Variants in MAGI2 observed in about 807,000 individuals in gnomAD.
MAGI2 encodes the protein membrane associated guanylate kinase, WW and PDZ domain containing 2.
In MAGI2, 35 loss-of-function variants were observed where a neutral mutation model predicts 133.3. The observed-to-expected ratio is 0.26, with a 90% CI of 0.20 to 0.35. The LOEUF (loss-of-function observed/expected upper bound fraction) is 0.35. Among genes scored for constraint, MAGI2 ranks in the 10% least tolerant of loss-of-function variants. The pLI is 1.00. For synonymous variants in MAGI2, 729 were observed against 710.6 expected, an observed-to-expected ratio of 1.03 and a Z score of -0.41; for missense variants, 1,636 against 1,863.4, an observed-to-expected ratio of 0.88 and a Z score of 2.25.
intron 9 of MAGI2, among the ~76,000 whole-genome samples, chr7:78,260,564 C>T (rs181705141): frequency 7.2e-5 from 11 of 152,206 alleles, no homozygotes; most frequent in Admixed American, 5.2e-4. Context: ...AATTTTTTCT[C>T]CATAAAAATA....
chr7:78,467,307 T>C (rs959580495), intron 6 of MAGI2, among the ~76,000 whole-genome samples: 1 of 152,256 alleles, frequency 6.6e-6, no homozygotes, highest in Middle Eastern at 3.4e-3. Flanking sequence ...TTGGCCCCTG[T>C]AATCCTAAGA....
chr7:78,673,767 A>C (rs1814678876), intron 2 of MAGI2, among the ~76,000 whole-genome samples: 1 of 152,040 alleles, frequency 6.6e-6, no homozygotes, highest in South Asian at 2.1e-4. Context: ...CTCATCCAAA[A>C]ACACCCTCAC....
At chr7:78,083,166 C>A (rs113214652) in intron 20 of MAGI2, among the ~76,000 whole-genome samples, 24 of 151,932 alleles carry the variant, frequency 1.6e-4, no homozygotes, top group African/African-American at 5.8e-4. Context: ...AAATTCGCAG[C>A]CCTTTTAGAA....
At chr7:78,995,642 G>C (rs1806217164) in intron 2 of MAGI2, among the ~76,000 whole-genome samples, 1 of 152,034 alleles carries the variant, frequency 6.6e-6, no homozygotes, top group Non-Finnish European at 1.5e-5. Flanking sequence ...TTCTATTACT[G>C]GAAATAGACT....
At chr7:78,226,176 G>A (rs1220526695) in intron 10 of MAGI2, among the ~76,000 whole-genome samples, 1 of 152,016 alleles carries the variant, frequency 6.6e-6, no homozygotes, top group African/African-American at 2.4e-5. Context: ...TTGAGCACTG[G>A]TGACAGGTTT....
intron 3 of MAGI2, chr7:78,617,960 T>C (rs1247531808): frequency 6.6e-6 from 1 of 151,992 alleles, no homozygotes; most frequent in East Asian, 1.9e-4. Context: ...ATATAGAAGA[T>C]ATAAGGAAAG....
At chr7:79,041,673 TA>T (rs2116910750) in intron 1 of MAGI2, among the ~76,000 whole-genome samples, 1 of 152,158 alleles carries the variant, frequency 6.6e-6, no homozygotes, top group East Asian at 1.9e-4. Flanking sequence ...AACAAATAGA[TA>T]AATGAATATA....
At chr7:79,388,195 T>A (rs1234505023) in intron 1 of MAGI2, among the ~76,000 whole-genome samples, 1 of 151,946 alleles carries the variant, frequency 6.6e-6, no homozygotes, top group African/African-American at 2.4e-5. Context: ...AACACAACAT[T>A]GTTTGCTAAA....
At chr7:78,742,952 T>C (rs922471106) in intron 2 of MAGI2, among the ~76,000 whole-genome samples, 4 of 152,178 alleles carry the variant, frequency 2.6e-5, no homozygotes, top group African/African-American at 7.2e-5. Context: ...TAACACAACA[T>C]GCAGACAAAG....
rs1383941647 is a variant in MAGI2, at chr7:78,127,303, T to C, written c.3317A>G (p.Tyr1106Cys). Reference protein sequence around the residue: ...LDYRQPPGGDYQQPPPLDYRQ... With the variant: ...LDYRQPPGGDCQQPPPLDYRQ... The stretch of plus-strand genomic sequence containing the variant: ...GTAGTCCAAGGGTGGGGGCTGCTGG[T>C]AGTCCCCTCCTGGGGGTTGCCTGTA... Residue 1106 changes from tyrosine to cysteine, a missense_variant, in exon 19 of 22, where the codon TAC (tyrosine) becomes TGC (cysteine). This residue lies in a region of MAGI2 where 920 missense variants were observed against 1,093.5 expected (regional missense o/e 0.84). Transcript: ENST00000354212. 7 of 1,610,652 alleles carry C rather than the reference T, an allele frequency of 4.3e-6. No individual in the cohort carries two copies. The Admixed American group carries it at 8.4e-5, about 19-fold the overall frequency.
intron 1 of MAGI2, among the ~76,000 whole-genome samples, chr7:79,392,360 T>C (rs1844723175): frequency 6.6e-6 from 1 of 152,150 alleles, no homozygotes; most frequent in Non-Finnish European, 1.5e-5. Context: ...TTATATTCCT[T>C]TGGGTATATA....
intron 2 of MAGI2, chr7:78,901,500 A>T (rs1429382434): frequency 6.6e-6 from 1 of 152,186 alleles, no homozygotes; most frequent in Non-Finnish European, 1.5e-5. Flanking sequence ...AATGAAGCTA[A>T]TGTTTCTTCC....
chr7:79,121,450 C>A (rs1256243780), intron 1 of MAGI2, among the ~76,000 whole-genome samples: 1 of 151,760 alleles, frequency 6.6e-6, no homozygotes, highest in African/African-American at 2.4e-5. Context: ...TTACTTAATT[C>A]TTTGGAGACA....
intron 1 of MAGI2, among the ~76,000 whole-genome samples, chr7:79,344,294 A>G (rs538279114): frequency 6.6e-5 from 10 of 152,228 alleles, no homozygotes; most frequent in Non-Finnish European, 1.3e-4. Flanking sequence ...TATGAATAAC[A>G]TAATTACTTA....
intron 3 of MAGI2, among the ~76,000 whole-genome samples, chr7:78,558,180 A>G (rs540878949): frequency 1.3e-5 from 2 of 152,328 alleles, no homozygotes; most frequent in Non-Finnish European, 2.9e-5. Flanking sequence ...TGAAATAAAC[A>G]AAGTTTCTCA....
intron 2 of MAGI2, among the ~76,000 whole-genome samples, chr7:78,698,998 C>G (rs1266757301): frequency 1.3e-5 from 2 of 152,130 alleles, no homozygotes; most frequent in Non-Finnish European, 2.9e-5. Context: ...ATACTTTTAC[C>G]TTTATATACT....
At chr7:78,893,176 G>T (rs920523154) in intron 2 of MAGI2, among the ~76,000 whole-genome samples, 66 of 151,780 alleles carry the variant, frequency 4.3e-4, no homozygotes, top group Non-Finnish European at 6.5e-4. Flanking sequence ...AAAACCACAA[G>T]GAGATACCAT....
chr7:79,181,529 A>G (rs1301733723), intron 1 of MAGI2, among the ~76,000 whole-genome samples: 1 of 151,856 alleles, frequency 6.6e-6, no homozygotes, highest in African/African-American at 2.4e-5. Flanking sequence ...CCCGGCCCAC[A>G]AAACTATTTT....
intron 2 of MAGI2, among the ~76,000 whole-genome samples, chr7:78,753,993 C>T (rs1731631622): frequency 6.6e-6 from 1 of 152,126 alleles, no homozygotes; most frequent in Admixed American, 6.6e-5. Context: ...TACAGACCCA[C>T]ACTTTAAAAT....
Sources: gnomAD v4.1 joint callset for allele counts (sites outside exome capture counted in the v4.1 genomes callset) on GRCh38, gnomAD v4.1.1 for gene constraint, gnomAD v4.1.1 regional missense constraint, MANE v1.5 for transcripts, NCBI Gene and HGNC (gene_info 2026-07-23, HGNC 2026-07-21) for gene names.